APPBP2: variants seen among roughly 807,000 people sequenced by gnomAD.
APPBP2 encodes amyloid protein-binding protein 2.
In APPBP2, 15 loss-of-function variants were observed where a neutral mutation model predicts 76.0. The ratio of observed to expected loss-of-function variants is 0.20; its 90% CI spans 0.13 to 0.30. The LOEUF is 0.30. Ranked by LOEUF, APPBP2 falls within the 10% of genes least tolerant of loss-of-function variation. The probability of loss-of-function intolerance (pLI) is 1.00; values close to 1 mark genes in which losing one functional copy is unlikely to be tolerated. For synonymous variants in APPBP2, 222 were observed against 242.2 expected (o/e 0.92, Z 0.77); for missense variants, 401 against 687.2 (o/e 0.58, Z 4.66).
intron 3 of APPBP2, among the ~76,000 whole-genome samples, chr17:60,487,018 G>A (rs919013532): frequency 3.3e-5 from 5 of 152,092 alleles, no homozygotes; most frequent in African/African-American, 1.2e-4. Flanking sequence ...GTTGAATATT[G>A]GCCCCCACTC....
At chr17:60,462,297 TACA>T in intron 6 of APPBP2, 1 of 410,300 alleles carries the variant, frequency 2.4e-6, no homozygotes, top group African/African-American at 2.1e-5. Flanking sequence ...TCAGTCCTAG[TACA>T]AATCTGTCAA....
chr17:60,483,773 C>T (rs572569033), intron 3 of APPBP2, among the ~76,000 whole-genome samples: 107 of 152,300 alleles, frequency 7.0e-4, no homozygotes, highest in African/African-American at 2.5e-3. Context: ...GTTGCCATTG[C>T]TTTTCGTGTT....
At chr17:60,473,169 G>T (rs1417019562) in intron 4 of APPBP2, among the ~76,000 whole-genome samples, 5 of 151,992 alleles carry the variant, frequency 3.3e-5, no homozygotes, top group African/African-American at 1.2e-4. Context: ...TATTCACTTT[G>T]CTTATATCTA....
At chr17:60,449,560 C>T (rs1410126024) in intron 12 of APPBP2, among the ~76,000 whole-genome samples, 1 of 152,126 alleles carries the variant, frequency 6.6e-6, no homozygotes, top group Admixed American at 6.5e-5. Flanking sequence ...CACGCCACTG[C>T]ATACCAGCCT....
intron 4 of APPBP2, among the ~76,000 whole-genome samples, chr17:60,473,694 C>T (rs1486195271): frequency 6.6e-6 from 1 of 152,124 alleles, no homozygotes; most frequent in Non-Finnish European, 1.5e-5. Context: ...TAAATCTTTC[C>T]TTATACCAAT....
At chr17:60,477,623 T>C (rs1299474797) in intron 4 of APPBP2, 1 of 152,156 alleles carries the variant, frequency 6.6e-6, no homozygotes, top group Admixed American at 6.6e-5. Context: ...CAAATATTCC[T>C]ATAATTTATC....
At chr17:60,471,009 C>A (rs1368295699) in intron 4 of APPBP2, among the ~76,000 whole-genome samples, 1 of 151,860 alleles carries the variant, frequency 6.6e-6, no homozygotes, top group Admixed American at 6.6e-5. Context: ...GTTGGCCAGA[C>A]TGGTCTCAAA....
chr17:60,486,199 G>A (rs769065664), intron 3 of APPBP2, among the ~76,000 whole-genome samples: 3 of 152,208 alleles, frequency 2.0e-5, no homozygotes, highest in Admixed American at 1.3e-4. Flanking sequence ...GAGTTCTGTA[G>A]ATGTCTATTA....
Position 60,526,029 on chromosome 17 carries a change from G to A in APPBP2, c.-98C>T, listed in dbSNP as rs963698455. 1.1e-5 allele frequency: 14 copies of A among 1,290,756 alleles called. No homozygotes were observed. The highest frequency in any genetic ancestry group is 4.5e-5 in the African/African-American group (3 of 66,744). The allele number at this position is 1,290,756 out of a possible 1,614,324, so 80.0% of individuals were successfully genotyped here. ...CTCTGCGGCCCCGGAGGATTCGGAG[G>A]GGCGGTGGCAGCCACGCGGGCGCAC... On this transcript the variant is annotated 5_prime_UTR_variant, in exon 1 of 13. Coordinates refer to ENST00000083182, the MANE Select transcript of APPBP2 (RefSeq NM_006380.5).
rs1212384269 is a variant in APPBP2, at chr17:60,445,800, C to T, written c.*1781G>A. On this transcript the variant is annotated 3_prime_UTR_variant, in exon 13 of 13. Coordinates refer to ENST00000083182, the MANE Select transcript of APPBP2 (RefSeq NM_006380.5). ...AAAATAATTCGATTTGAGGAGTAAA[C>T]TCAGGTTTCTAAATCACACAGTTAC... The T allele has an allele frequency of 6.6e-6, 1 of 152,072 alleles. No individual in the cohort carries two copies. The highest frequency in any genetic ancestry group is 1.5e-5 in the Non-Finnish European group (1 of 68,020). The allele number at this position is 152,072 out of a possible 1,614,324, so 9.4% of individuals were successfully genotyped here.
intron 4 of APPBP2, among the ~76,000 whole-genome samples, chr17:60,467,450 A>G (rs558736692): frequency 2.6e-5 from 4 of 152,194 alleles, no homozygotes; most frequent in Non-Finnish European, 4.4e-5. Flanking sequence ...AAACAGATTA[A>G]CTTCCAAAGA....
At chr17:60,472,710 C>T (rs542398894) in intron 4 of APPBP2, among the ~76,000 whole-genome samples, 5 of 152,272 alleles carry the variant, frequency 3.3e-5, no homozygotes, top group Admixed American at 1.3e-4. Flanking sequence ...GACTGGTACA[C>T]AAAGAATTAG....
chr17:60,478,907 T>C (rs2090609794), intron 4 of APPBP2, among the ~76,000 whole-genome samples: 1 of 148,246 alleles, frequency 6.7e-6, no homozygotes, highest in Admixed American at 6.6e-5. Context: ...GAGACTCTGT[T>C]TCAAAATAAA....
intron 2 of APPBP2, among the ~76,000 whole-genome samples, chr17:60,499,505 C>G (rs1039241961): frequency 1.3e-5 from 2 of 152,124 alleles, no homozygotes; most frequent in African/African-American, 4.8e-5. Context: ...CAAACTAAGT[C>G]TCTTAAAAAA....
At chr17:60,519,017 G>A (rs968112260) in intron 1 of APPBP2, among the ~76,000 whole-genome samples, 9 of 151,918 alleles carry the variant, frequency 5.9e-5, no homozygotes, top group South Asian at 2.1e-4. Flanking sequence ...AGTGTGCAGC[G>A]GCACAATCAC....
chr17:60,501,490 G>A (rs1044424234), intron 1 of APPBP2, among the ~76,000 whole-genome samples: 6 of 151,986 alleles, frequency 3.9e-5, no homozygotes, highest in East Asian at 1.9e-4. Context: ...TCTGCCTCCC[G>A]GGTTCAAGCA....
At chr17:60,475,785 A>G (rs1345200163) in intron 4 of APPBP2, among the ~76,000 whole-genome samples, 1 of 152,124 alleles carries the variant, frequency 6.6e-6, no homozygotes, top group African/African-American at 2.4e-5. Context: ...TGGTTTAAAA[A>G]CATAATAAAT....
intron 2 of APPBP2, among the ~76,000 whole-genome samples, chr17:60,497,819 T>C (rs1567935535): frequency 6.6e-6 from 1 of 151,938 alleles, no homozygotes; most frequent in Non-Finnish European, 1.5e-5. Context: ...AAAATGGCAG[T>C]TAAACTTAGG....
At chr17:60,460,833 C>T (rs746255325) in intron 8 of APPBP2, 46 bp from the exon 9 acceptor site, 1 of 1,575,408 alleles carries the variant, frequency 6.3e-7, no homozygotes, top group Non-Finnish European at 8.6e-7. Flanking sequence ...GAAAATACCA[C>T]CTAGTTAAAT....
Sources: gnomAD v4.1 joint callset for allele counts (sites outside exome capture counted in the v4.1 genomes callset) on GRCh38, gnomAD v4.1.1 for gene constraint, MANE v1.5 for transcripts, NCBI Gene and HGNC (gene_info 2026-07-23, HGNC 2026-07-21) for gene names.